Variants in RFTN1 observed in about 807,000 individuals in gnomAD.
The protein encoded by RFTN1 is raftlin.
Under a neutral mutation model 46.5 loss-of-function variants are expected in RFTN1, and 26 were observed. The ratio of observed to expected loss-of-function variants is 0.56; its 90% CI spans 0.41 to 0.78. The LOEUF (loss-of-function observed/expected upper bound fraction) is 0.78, where lower values mean the gene tolerates loss of function less well. Among genes scored for constraint, RFTN1 ranks in the 30% least tolerant of loss-of-function variants. The pLI, the probability that RFTN1 is intolerant of heterozygous loss-of-function variation, is 0.00. For missense variants in RFTN1, 693 were observed against 718.7 expected (o/e 0.96, Z 0.41); for synonymous variants, 261 against 284.2 (o/e 0.92, Z 0.82).
At chr3:16,470,681 C>T (rs2076179659) in intron 2 of RFTN1, among the ~76,000 whole-genome samples, 1 of 152,208 alleles carries the variant, frequency 6.6e-6, no homozygotes, top group South Asian at 2.1e-4. Flanking sequence ...ACCCAAGAGA[C>T]AGAGTTGGCA....
intron 9 of RFTN1, among the ~76,000 whole-genome samples, chr3:16,319,116 C>T (rs1049477209): frequency 1.3e-5 from 2 of 152,178 alleles, no homozygotes; most frequent in African/African-American, 4.8e-5. Context: ...AATTCCAGCC[C>T]AAATGTAAGA....
chr3:16,421,346 G>GTT lies in RFTN1; in HGVS notation c.333-11865_333-11864dup, dbSNP rs60055519. Among the ~76,000 whole-genome samples the GTT allele has an allele frequency of 6.9e-6, 1 of 145,830 alleles. No homozygotes were observed. The highest frequency in any genetic ancestry group is 1.5e-5 in the Non-Finnish European group (1 of 65,956). On this transcript the variant is annotated intron_variant, in intron 3 of 9. Coordinates refer to ENST00000334133, the MANE Select transcript of RFTN1 (RefSeq NM_015150.2). This position sits in a 1 kb window ranked among gnomAD's most constrained non-coding sequence, Gnocchi z 4.6. ...TGAACAGGTAGGCATTGGTATTGGT[G>GTT]TTTTTTTTTTTTCTTTTCTTTTTGA...
In RFTN1 at chr3:16,317,271, C is replaced by G; in HGVS notation, c.1333-39G>C. 1 of 1,600,100 alleles carries G rather than the reference C, an allele frequency of 6.2e-7. No individual in the cohort carries two copies. The highest frequency in any genetic ancestry group is 8.5e-7 in the Non-Finnish European group (1 of 1,177,390). ...AGGATGGGGATAAATAACAAGCCTCCGGGAACCCAGAGCTTCACCCAAAGC... is the reference window on the plus strand; with the variant it reads ...AGGATGGGGATAAATAACAAGCCTCGGGGAACCCAGAGCTTCACCCAAAGC... On this transcript the variant is annotated intron_variant, in intron 9 of 9. Coordinates refer to ENST00000334133, the MANE Select transcript of RFTN1 (RefSeq NM_015150.2). This position sits in a 1 kb window ranked among gnomAD's most constrained non-coding sequence, Gnocchi z 4.3.
intron 1 of RFTN1, among the ~76,000 whole-genome samples, chr3:16,510,748 T>C (rs2076885289): frequency 6.6e-6 from 1 of 152,202 alleles, no homozygotes; most frequent in African/African-American, 2.4e-5. Context: ...TATCTCCTTT[T>C]TGACCCAGCA....
In RFTN1 at chr3:16,407,921, T is replaced by C. The variant is rs930279622; in HGVS notation, c.441+1454A>G. 3.3e-5 allele frequency among the ~76,000 whole-genome samples: 5 copies of C among 152,120 alleles called. No individual in the cohort carries two copies. Among genetic ancestry groups the C allele is most frequent in the African/African-American group, 9.7e-5 (4 of 41,416 alleles). On this transcript the variant is annotated intron_variant, in intron 4 of 9. Transcript: ENST00000334133. The surrounding 1 kb of genome is among the most constrained non-coding windows in gnomAD (Gnocchi z 4.0). ...TCCTGGTCTATGGGCCATAGACCCA[T>C]ACATGAGCGGCTACTCCCAGAGTCC...
chr3:16,370,343 T>C lies in RFTN1; in HGVS notation c.827-64A>G. 6.8e-7 allele frequency: 1 copy of C among 1,480,316 alleles called. No individual in the cohort carries two copies. The highest frequency in any genetic ancestry group is 9.4e-7 in the Non-Finnish European group (1 of 1,059,488). 91.7% of individuals were successfully genotyped at this position (1,480,316 alleles called of 1,614,324 possible). ...CAACTGATGATAAAAATCTGTTTCATCGGCTTAAGTGGAATCTCTCAGGAG... is the reference window on the plus strand; with the variant it reads ...CAACTGATGATAAAAATCTGTTTCACCGGCTTAAGTGGAATCTCTCAGGAG... On this transcript the variant is annotated intron_variant, in intron 5 of 9. Transcript: ENST00000334133. This position sits in a 1 kb window ranked among gnomAD's most constrained non-coding sequence, Gnocchi z 5.5.
At chr3:16,435,011 T>A (rs2075474881) in intron 2 of RFTN1, among the ~76,000 whole-genome samples, 1 of 152,266 alleles carries the variant, frequency 6.6e-6, no homozygotes, top group Admixed American at 6.5e-5. Flanking sequence ...TTAATTTATT[T>A]ATTTTTGAGA....
chr3:16,492,051 C>T (rs2076546398), intron 2 of RFTN1, among the ~76,000 whole-genome samples: 1 of 152,142 alleles, frequency 6.6e-6, no homozygotes, highest in Admixed American at 6.6e-5. Flanking sequence ...TTTTAATAGG[C>T]TTGAGTGAAG....
At chr3:16,392,258 C>A (rs1193794660) in intron 4 of RFTN1, among the ~76,000 whole-genome samples, 3 of 152,158 alleles carry the variant, frequency 2.0e-5, no homozygotes, top group African/African-American at 7.2e-5. Context: ...TTTACATAAT[C>A]ACAAGCAATT....
intron 1 of RFTN1, among the ~76,000 whole-genome samples, chr3:16,511,560 G>A (rs998493287): frequency 6.6e-6 from 1 of 152,106 alleles, no homozygotes; most frequent in African/African-American, 2.4e-5. Flanking sequence ...TGGGGATAGA[G>A]TCACAGTGTC....
chr3:16,367,005 A>T (rs571319870), intron 6 of RFTN1, among the ~76,000 whole-genome samples: 31 of 152,354 alleles, frequency 2.0e-4, no homozygotes, highest in African/African-American at 6.7e-4. Context: ...GGTGGGAGGC[A>T]TGGGGAGGGG....
In RFTN1 at chr3:16,407,987, C is replaced by G. The variant is rs2074899259; in HGVS notation, c.441+1388G>C. On this transcript the variant is annotated intron_variant, in intron 4 of 9. Transcript: ENST00000334133. This position sits in a 1 kb window ranked among gnomAD's most constrained non-coding sequence, Gnocchi z 4.0. Reference sequence around the variant, plus strand: ...TCAATACATGTTGAAGGGAGGGTGGCAGCAAGGAAACAAATCTCCTTTAAA... The same window carrying G: ...TCAATACATGTTGAAGGGAGGGTGGGAGCAAGGAAACAAATCTCCTTTAAA... Among the ~76,000 whole-genome samples, 1 of 152,106 alleles carries G rather than the reference C, an allele frequency of 6.6e-6. No homozygotes were observed. Among genetic ancestry groups the G allele is most frequent in the Non-Finnish European group, 1.5e-5 (1 of 68,032 alleles).
intron 6 of RFTN1, among the ~76,000 whole-genome samples, chr3:16,368,815 C>G (rs2073362048): frequency 6.6e-6 from 1 of 152,226 alleles, no homozygotes; most frequent in Non-Finnish European, 1.5e-5. Context: ...TATTCAGATG[C>G]AGTATCCACA....
chr3:16,405,310 A>G (rs1041781934), intron 4 of RFTN1, among the ~76,000 whole-genome samples: 2 of 152,220 alleles, frequency 1.3e-5, no homozygotes, highest in African/African-American at 4.8e-5. Flanking sequence ...TCTAGGACTT[A>G]GAAAACAAGT....
chr3:16,403,219 G>C (rs980787300), intron 4 of RFTN1, among the ~76,000 whole-genome samples: 3 of 152,126 alleles, frequency 2.0e-5, no homozygotes, highest in African/African-American at 7.2e-5. Context: ...TGTCCAGAAA[G>C]GGACAAGCTA....
At chr3:16,505,332 C>A (rs967138931) in intron 1 of RFTN1, among the ~76,000 whole-genome samples, 15 of 152,282 alleles carry the variant, frequency 9.9e-5, no homozygotes, top group African/African-American at 3.1e-4. Context: ...CAGAACTCTC[C>A]AGGCACCACC....
rs1160939614 is a variant in RFTN1 at position 16,345,817 on chromosome 3, T to TGTGTGTGTGTGTGTGC, written c.1146+12114_1146+12115insGCACACACACACACAC. Among the ~76,000 whole-genome samples, 120 of 74,600 alleles carry TGTGTGTGTGTGTGTGC rather than the reference T, an allele frequency of 1.6e-3. No homozygotes were observed. Among genetic ancestry groups the TGTGTGTGTGTGTGTGC allele is most frequent in the Middle Eastern group, 6.8e-3 (1 of 148 alleles). The allele number at this position is 74,600 out of a possible 152,430, so 48.9% of individuals were successfully genotyped here. A position where few individuals can be genotyped will look rare whatever the true frequency, so the allele number is the denominator to read the frequency against. On this transcript the variant is annotated intron_variant, in intron 7 of 9. Transcript: ENST00000334133. This position sits in a 1 kb window ranked among gnomAD's most constrained non-coding sequence, Gnocchi z 5.2. Reference sequence around the variant, plus strand: ...GTGTGTGTGTGTGTGTGTGTGTGTGTGCGCGCGCGCGTGCGCGCACGCGCA... The same window carrying TGTGTGTGTGTGTGTGC: ...GTGTGTGTGTGTGTGTGTGTGTGTGTGTGTGTGTGTGTGTGCGCGCGCGCGCGTGCGCGCACGCGCA...
intron 4 of RFTN1, among the ~76,000 whole-genome samples, chr3:16,395,335 A>G (rs1450515797): frequency 6.6e-6 from 1 of 152,250 alleles, no homozygotes; most frequent in Non-Finnish European, 1.5e-5. Flanking sequence ...TGAAAAACTG[A>G]AAATTGTTTA....
At chr3:16,326,173 T>C (rs2069668525) in intron 8 of RFTN1, among the ~76,000 whole-genome samples, 1 of 152,252 alleles carries the variant, frequency 6.6e-6, no homozygotes, top group Non-Finnish European at 1.5e-5. Context: ...TTGGTGTGAC[T>C]GGGCTCAAGG....
Sources: gnomAD v4.1 joint callset for allele counts (sites outside exome capture counted in the v4.1 genomes callset) on GRCh38, gnomAD v4.1.1 for gene constraint, Gnocchi (gnomAD v3.1) non-coding constraint, MANE v1.5 for transcripts, NCBI Gene and HGNC (gene_info 2026-07-23, HGNC 2026-07-21) for gene names.